Variants in SMAD2 observed in about 807,000 individuals in gnomAD.
The protein encoded by SMAD2 is MAD homolog 2.
A neutral mutation model predicts 64.4 loss-of-function variants in SMAD2; 8 were observed. That is an observed-to-expected ratio of 0.12 (90% CI 0.07 to 0.22). SMAD2 has a LOEUF of 0.22. Among genes scored for constraint, SMAD2 ranks in the 10% least tolerant of loss-of-function variants. The pLI, the probability that SMAD2 is intolerant of heterozygous loss-of-function variation, is 1.00. For synonymous variants in SMAD2, 203 were observed against 195.8 expected (o/e 1.04, Z -0.31); for missense variants, 289 against 561.2 (o/e 0.51, Z 4.90).
intron 6 of SMAD2, among the ~76,000 whole-genome samples, chr18:47,859,689 A>G (rs1373656128): frequency 6.6e-6 from 1 of 152,182 alleles, no homozygotes; most frequent in East Asian, 1.9e-4. Context: ...TAAACAAATC[A>G]ATGATCTAAA....
In SMAD2 at chr18:47,817,092, A is replaced by G. The variant is rs1259724079; in HGVS notation, c.*24735T>C. 3 of 152,130 alleles carry G rather than the reference A, an allele frequency of 2.0e-5. No individual in the cohort carries two copies. The highest frequency in any genetic ancestry group is 4.4e-5 in the Non-Finnish European group (3 of 68,028). 9.4% of individuals were successfully genotyped at this position (152,130 alleles called of 1,614,324 possible). A position where few individuals can be genotyped will look rare whatever the true frequency, so the allele number is the denominator to read the frequency against. On this transcript the variant is annotated 3_prime_UTR_variant, in exon 11 of 11. Coordinates refer to ENST00000262160, the MANE Select transcript of SMAD2 (RefSeq NM_005901.6). ...ATGCGTATTTCTACAGCAATGCTGTATTCCCAAATAGAGTTTTCTTTTAGA... is the reference window on the plus strand; with the variant it reads ...ATGCGTATTTCTACAGCAATGCTGTGTTCCCAAATAGAGTTTTCTTTTAGA...
At chr18:47,925,709 T>C (rs1180541272) in intron 1 of SMAD2, among the ~76,000 whole-genome samples, 1 of 152,156 alleles carries the variant, frequency 6.6e-6, no homozygotes, top group African/African-American at 2.4e-5. Context: ...CTAGTACTTT[T>C]GTACTACTGC....
At chr18:47,927,971 C>T (rs1452419997) in intron 1 of SMAD2, among the ~76,000 whole-genome samples, 1 of 152,162 alleles carries the variant, frequency 6.6e-6, no homozygotes, top group Non-Finnish European at 1.5e-5. Context: ...GAATTCCTTA[C>T]GTTTCACATT....
At chr18:47,862,450 T>C (rs983053209) in intron 6 of SMAD2, among the ~76,000 whole-genome samples, 1 of 152,202 alleles carries the variant, frequency 6.6e-6, no homozygotes, top group East Asian at 1.9e-4. Flanking sequence ...TCTTAAGCTT[T>C]TGGGTTTCCC....
chr18:47,913,222 GTT>G (rs371223303), intron 1 of SMAD2, among the ~76,000 whole-genome samples: 32 of 152,286 alleles, frequency 2.1e-4, no homozygotes, highest in African/African-American at 7.2e-4. Flanking sequence ...CGCCCAGCCT[GTT>G]ACACTTTCGT....
chr18:47,864,143 G>GCATTAAGAT (rs1311867641), intron 6 of SMAD2, among the ~76,000 whole-genome samples: 1 of 152,080 alleles, frequency 6.6e-6, no homozygotes, highest in East Asian at 1.9e-4. Flanking sequence ...AATATTATTT[G>GCATTAAGAT]CATTAAGATG....
At chr18:47,917,061 C>T (rs764383826) in intron 1 of SMAD2, among the ~76,000 whole-genome samples, 1 of 152,200 alleles carries the variant, frequency 6.6e-6, no homozygotes, top group Non-Finnish European at 1.5e-5. Context: ...CGCTCTGTCG[C>T]CCAGCCTGGA....
intron 5 of SMAD2, among the ~76,000 whole-genome samples, chr18:47,866,261 A>G (rs1301760975): frequency 7.3e-6 from 1 of 136,918 alleles, no homozygotes; most frequent in African/African-American, 2.7e-5. Context: ...GGCTGCGGTG[A>G]GCCGAGATCA....
rs1238421383 is a variant in SMAD2 at position 47,834,644 on chromosome 18, C to T, written c.*7183G>A. The T allele has an allele frequency of 1.2e-4, 7 of 60,310 alleles. No homozygotes were observed. The highest frequency in any genetic ancestry group is 6.5e-4 in the East Asian group (6 of 9,292). 3.7% of individuals were successfully genotyped at this position (60,310 alleles called of 1,614,324 possible). ...TAAAAGGCTAGGAAGTCCAGAAATA[C>T]CTTAAACGTGTTAACTTTAAGAAGA... On this transcript the variant is annotated 3_prime_UTR_variant, in exon 11 of 11. Coordinates refer to ENST00000262160, the MANE Select transcript of SMAD2 (RefSeq NM_005901.6).
rs1387379990 is a variant in SMAD2 at position 47,813,360 on chromosome 18, C to T, written c.*28467G>A. On this transcript the variant is annotated 3_prime_UTR_variant, in exon 11 of 11. Coordinates refer to ENST00000262160, the MANE Select transcript of SMAD2 (RefSeq NM_005901.6). The stretch of plus-strand genomic sequence containing the variant: ...TCAAGCAATCCTCCCACCTCAGCCT[C>T]TCAAGTAGCTGGGACTACAGGTGCC... 4.0e-5 allele frequency: 6 copies of T among 151,870 alleles called. No homozygotes were observed. In the East Asian group the frequency reaches 7.8e-4, roughly 20 times the overall value. 9.4% of individuals were successfully genotyped at this position (151,870 alleles called of 1,614,324 possible). A position where few individuals can be genotyped will look rare whatever the true frequency, so the allele number is the denominator to read the frequency against.
rs967975718 is a variant in SMAD2, at chr18:47,811,986, G to C, written c.*29841C>G. 1.3e-5 allele frequency: 2 copies of C among 152,200 alleles called. No homozygotes were observed. Among genetic ancestry groups the C allele is most frequent in the African/African-American group, 4.8e-5 (2 of 41,450 alleles). The allele number at this position is 152,200 out of a possible 1,614,324, so 9.4% of individuals were successfully genotyped here. On this transcript the variant is annotated 3_prime_UTR_variant, in exon 11 of 11. Transcript: ENST00000262160. ...GACCTCAAGGTGCTTGTATTAGTCT[G>C]TTCTCACACTGCTATAAAGAAATAC...
At chr18:47,900,630 CTTCA>C (rs992324624) in intron 1 of SMAD2, among the ~76,000 whole-genome samples, 6 of 151,992 alleles carry the variant, frequency 3.9e-5, no homozygotes, top group Admixed American at 2.6e-4. Flanking sequence ...CTGCTCTTGT[CTTCA>C]TTATTTCTTT....
intron 6 of SMAD2, among the ~76,000 whole-genome samples, chr18:47,856,768 A>G (rs772868415): frequency 1.3e-5 from 2 of 152,086 alleles, no homozygotes; most frequent in African/African-American, 2.4e-5. Flanking sequence ...ATTTCTGGTA[A>G]AAGTTGAACC....
At chr18:47,842,087 G>A (rs1371450043) in intron 10 of SMAD2, 137 bp from the exon 11 acceptor site, 20 of 882,386 alleles carry the variant, frequency 2.3e-5, no homozygotes, top group Non-Finnish European at 3.4e-5. Flanking sequence ...CGATTATTCC[G>A]CAAAATGGTT....
intron 1 of SMAD2, among the ~76,000 whole-genome samples, chr18:47,903,249 T>C (rs2144494472): frequency 6.6e-6 from 1 of 152,094 alleles, no homozygotes; most frequent in Middle Eastern, 3.4e-3. Flanking sequence ...CTACCGAGGC[T>C]GAAATGAGTA....
At chr18:47,876,620 T>A (rs1352617736) in intron 2 of SMAD2, among the ~76,000 whole-genome samples, 1 of 152,092 alleles carries the variant, frequency 6.6e-6, no homozygotes, top group Non-Finnish European at 1.5e-5. Flanking sequence ...AGTATATTAA[T>A]CACTAAACTA....
intron 1 of SMAD2, among the ~76,000 whole-genome samples, chr18:47,917,956 G>C (rs1169696927): frequency 6.6e-6 from 1 of 152,130 alleles, no homozygotes; most frequent in Admixed American, 6.5e-5. Context: ...AGCAGTAATT[G>C]AACAGATCAG....
chr18:47,926,906 G>A (rs902612827), intron 1 of SMAD2, among the ~76,000 whole-genome samples: 8 of 152,192 alleles, frequency 5.3e-5, no homozygotes, highest in Admixed American at 3.9e-4. Flanking sequence ...GAAGGGGTTA[G>A]TACTTCCATT....
intron 2 of SMAD2, among the ~76,000 whole-genome samples, chr18:47,886,298 T>C (rs965440776): frequency 6.6e-6 from 1 of 152,232 alleles, no homozygotes; most frequent in Non-Finnish European, 1.5e-5. Context: ...ACTGCTTTTA[T>C]GCATAGAGGT....
Sources: gnomAD v4.1 joint callset for allele counts (sites outside exome capture counted in the v4.1 genomes callset) on GRCh38, gnomAD v4.1.1 for gene constraint, MANE v1.5 for transcripts, NCBI Gene and HGNC (gene_info 2026-07-23, HGNC 2026-07-21) for gene names.